The following F11 variants were observed in gnomAD, a reference collection of about 807,000 sequenced individuals.
F11 encodes coagualtion factor XI.
In F11, 78 loss-of-function variants were observed where a neutral mutation model predicts 76.5. That is an observed-to-expected ratio of 1.02 (90% CI 0.85 to 1.23). The LOEUF (loss-of-function observed/expected upper bound fraction) is 1.23. Among genes scored for constraint, F11 ranks in the 50% most tolerant of loss-of-function variants. F11 has a pLI of 0.00. For synonymous variants in F11, 278 were observed against 276.3 expected (o/e 1.01, Z -0.06); for missense variants, 742 against 771.4 (o/e 0.96, Z 0.45).
chr4:186,276,531 T>C, intron 7 of F11, 141 bp downstream of exon 7: 1 of 783,268 alleles, frequency 1.3e-6, no homozygotes, highest in East Asian at 3.1e-5. Flanking sequence ...CTAGCCCCTC[T>C]CCCTTTCTAT....
intron 7 of F11, among the ~76,000 whole-genome samples, chr4:186,278,958 TTTTC>T (rs777696359): frequency 6.6e-5 from 10 of 152,342 alleles, no homozygotes; most frequent in South Asian, 2.1e-4. Context: ...TCACTGCTCT[TTTTC>T]TTTGTCTTAT....
intron 5 of F11, chr4:186,274,563 A>C (rs1740229353): frequency 2.4e-6 from 1 of 425,394 alleles, no homozygotes; most frequent in Non-Finnish European, 4.4e-6. Context: ...AACAGCTGCA[A>C]TTGGTATGAT....
In F11 at chr4:186,276,331, T is replaced by C. The variant is rs746382259; in HGVS notation, c.696T>C (p.His232=). 42 of 1,614,014 alleles carry C rather than the reference T, an allele frequency of 2.6e-5. No homozygotes were observed. Among genetic ancestry groups the C allele is most frequent in the Middle Eastern group, 1.6e-4 (1 of 6,084 alleles). The change falls in exon 7 of 15, where the codon CAT becomes CAC. Residue 232 remains histidine (H), a synonymous_variant. Transcript: ENST00000403665. ...TTGTCTGTGGCCGAATCTGCACTCA[T>C]CATCCCGGTTGCTTGTTTTTTACCT... The part of the protein sequence containing the change: ...DAFVCGRICT[H]HPGCLFFTFF...
rs755035366 is a variant in F11, at chr4:186,284,241, G to A, written c.1285G>A (p.Ala429Thr). 8.1e-6 allele frequency: 13 copies of A among 1,614,154 alleles called. No individual in the cohort carries two copies. The highest frequency in any genetic ancestry group is 1.1e-5 in the South Asian group (1 of 91,080). ...CATTGGAAACCAGTGGATATTAACA[G>A]CCGCTCACTGTTTCTATGGGTCAGT... ...SIIGNQWILTAAHCFYGVESP... is the reference protein window; with the variant it reads ...SIIGNQWILTTAHCFYGVESP... Residue 429 changes from alanine (A) to threonine (T), a missense_variant, in exon 11 of 15, where the codon GCC (alanine) becomes ACC (threonine). Physicochemically the swap from Ala to Thr is moderately conservative, Grantham distance 58. Transcript: ENST00000403665.
chr4:186,270,981 C>T (rs1739910287), intron 2 of F11, among the ~76,000 whole-genome samples: 1 of 151,588 alleles, frequency 6.6e-6, no homozygotes, highest in African/African-American at 2.4e-5. Context: ...GCTGGGATTA[C>T]ACGCATGAGC....
chr4:186,282,738 C>G (rs1222433987), intron 10 of F11: 1 of 985,242 alleles, frequency 1.0e-6, no homozygotes, highest in Non-Finnish European at 1.2e-6. Context: ...AATGAATGTT[C>G]ACCCTTCCGG....
intron 5 of F11, 139 bp from the exon 6 acceptor site, chr4:186,275,648 G>A: frequency 2.9e-6 from 2 of 691,936 alleles, no homozygotes; most frequent in South Asian, 3.1e-5. Context: ...CTGGGACCAT[G>A]CCCAGCCATT....
intron 14 of F11, 84 bp from the exon 15 acceptor site, chr4:186,288,369 C>T (rs907705844): frequency 1.9e-6 from 3 of 1,582,784 alleles, no homozygotes; most frequent in Middle Eastern, 1.7e-4. Context: ...ACATTTTAGG[C>T]AAAATCAGCC....
At chr4:186,284,397 A>C in intron 11 of F11, 137 bp downstream of exon 11, 1 of 922,716 alleles carries the variant, frequency 1.1e-6, no homozygotes, top group Non-Finnish European at 1.7e-6. Context: ...TCAGTGGTAA[A>C]AAACGCAAAA....
chr4:186,287,774 A>G lies in F11; in HGVS notation c.1667A>G (p.His556Arg), dbSNP rs988906049. The change falls in exon 14 of 15, where the codon CAT becomes CGT. Residue 556 changes from histidine to arginine, a missense_variant. Physicochemically the swap from His to Arg is conservative, Grantham distance 29 (BLOSUM62 0). Coordinates refer to ENST00000403665, the MANE Select transcript of F11 (RefSeq NM_000128.4). ...AGATACAGAGGACATAAAATAACCC[A>G]TAAGATGATCTGTGCCGGCTACAGG... ...QKRYRGHKIT[H>R]KMICAGYREG... is the part of the protein sequence containing the mutation. 9.3e-6 allele frequency: 15 copies of G among 1,613,658 alleles called. 1 individual carries two copies. In the Middle Eastern group the frequency reaches 5.0e-4, roughly 53 times the overall value.
At chr4:186,288,428 C>A (rs370469759) in intron 14 of F11, 25 bp from the exon 15 acceptor site, 54 of 1,613,916 alleles carry the variant, frequency 3.3e-5, no homozygotes, top group Non-Finnish European at 4.4e-5. Flanking sequence ...ATCTGTGCAC[C>A]TTTTCTTGTC....
rs281875269 is a variant in F11, at chr4:186,280,322, C to T, written c.965C>T (p.Thr322Ile). 2.5e-5 allele frequency: 41 copies of T among 1,614,058 alleles called. No homozygotes were observed. The highest frequency in any genetic ancestry group is 3.2e-5 in the Non-Finnish European group (38 of 1,180,046). ...KSHEACQKLC[T>I]NAVRCQFFTY... ...CACGAGGCCTGCCAGAAACTGTGCA[C>T]CAATGCCGTCCGCTGCCAGTTTTTT... Residue 322 changes from threonine (T) to isoleucine (I), a missense_variant, in exon 9 of 15, where the codon ACC (threonine) becomes ATC (isoleucine). Thr to Ile is a moderately conservative substitution (Grantham distance 89). Transcript: ENST00000403665.
In F11 at chr4:186,288,846, T is replaced by G. The variant is rs1741403306; in HGVS notation, c.*232T>G. The G allele has an allele frequency of 1.9e-6, 1 of 519,746 alleles. No individual in the cohort carries two copies. The highest frequency in any genetic ancestry group is 3.5e-6 in the Non-Finnish European group (1 of 287,472). The allele number at this position is 519,746 out of a possible 1,614,324, so 32.2% of individuals were successfully genotyped here. A position where few individuals can be genotyped will look rare whatever the true frequency, so the allele number is the denominator to read the frequency against. On this transcript the variant is annotated 3_prime_UTR_variant, in exon 15 of 15. Coordinates refer to ENST00000403665, the MANE Select transcript of F11 (RefSeq NM_000128.4). ...TCAGTCTCTTTGTTTTTGATCACGC[T>G]TCTATGGAGTCCAAGAATTACCATA...
chr4:186,290,349 G>A (rs113533534), downstream of F11, among the ~76,000 whole-genome samples: 40 of 152,258 alleles, frequency 2.6e-4, no homozygotes, highest in South Asian at 7.5e-3. Flanking sequence ...TAAAATGACG[G>A]TAGGACATGA....
chr4:186,280,344 T>C lies in F11; in HGVS notation c.987T>C (p.Phe329=). ...KLCTNAVRCQ[F]FTYTPAQASC... ...GCACCAATGCCGTCCGCTGCCAGTT[T>C]TTTACCTATACCCCAGCCCAAGCAT... Residue 329 remains phenylalanine, a synonymous_variant, in exon 9 of 15, where the codon TTT becomes TTC. Coordinates refer to ENST00000403665, the MANE Select transcript of F11 (RefSeq NM_000128.4). 1 of 1,614,184 alleles carries C rather than the reference T, an allele frequency of 6.2e-7. No individual in the cohort carries two copies. The highest frequency in any genetic ancestry group is 2.2e-5 in the East Asian group (1 of 44,888).
chr4:186,273,323 T>C lies in F11; in HGVS notation c.325+146T>C, dbSNP rs564416385. The stretch of plus-strand genomic sequence containing the variant: ...AGTTCTTTCAGTGTAGAGTATAAAC[T>C]AGTATACATACATGCCTGCCCTCCA... On this transcript the variant is annotated intron_variant, in intron 4 of 14. Transcript: ENST00000403665. 54 of 720,610 alleles carry C rather than the reference T, an allele frequency of 7.5e-5. 1 individual carries two copies. The East Asian group carries it at 1.5e-3, about 20-fold the overall frequency. 44.6% of individuals were successfully genotyped at this position (720,610 alleles called of 1,614,324 possible).
Position 186,285,718 on chromosome 4 carries a change from G to A in F11, c.1385G>A (p.Gly462Glu), listed in dbSNP as rs1471134486. ...SEIKEDTSFFGVQEIIIHDQY... is the reference protein window; with the variant it reads ...SEIKEDTSFFEVQEIIIHDQY... The stretch of plus-strand genomic sequence containing the variant: ...ATAAAAGAGGACACATCTTTCTTTG[G>A]GGTTCAAGAAATAATAATCCATGAT... Residue 462 changes from glycine (G) to glutamate (E), a missense_variant, in exon 12 of 15, where the codon GGG becomes GAG. Gly to Glu is a moderately conservative substitution (Grantham distance 98, BLOSUM62 -2). Transcript: ENST00000403665. 1.2e-6 allele frequency: 2 copies of A among 1,614,026 alleles called. No homozygotes were observed. The highest frequency in any genetic ancestry group is 2.2e-5 in the South Asian group (2 of 91,070).
At chr4:186,272,885 G>A in intron 3 of F11, 186 bp from the exon 4 acceptor site, 1 of 553,408 alleles carries the variant, frequency 1.8e-6, no homozygotes, top group Non-Finnish European at 3.2e-6. Flanking sequence ...ATTACATGCA[G>A]TCTCTTAAGT....
At chr4:186,288,320 G>A in intron 14 of F11, 133 bp from the exon 15 acceptor site, 1 of 1,045,686 alleles carries the variant, frequency 9.6e-7, no homozygotes, top group Non-Finnish European at 1.5e-6. Flanking sequence ...ATGAACGCAA[G>A]CACCCAGGTT....
Sources: gnomAD v4.1 joint callset for allele counts (sites outside exome capture counted in the v4.1 genomes callset) on GRCh38, gnomAD v4.1.1 for gene constraint, MANE v1.5 for transcripts, NCBI Gene and HGNC (gene_info 2026-07-23, HGNC 2026-07-21) for gene names.